The following SDK1 variants were observed in gnomAD, a reference collection of about 807,000 sequenced individuals.
SDK1 encodes protein sidekick-1.
Under a neutral mutation model 245.5 loss-of-function variants are expected in SDK1, and 157 were observed. The observed-to-expected ratio is 0.64, with a 90% CI of 0.56 to 0.73. The LOEUF (loss-of-function observed/expected upper bound fraction) is 0.73, where lower values mean the gene tolerates loss of function less well. Ranked by LOEUF, SDK1 falls within the 30% of genes least tolerant of loss-of-function variation. SDK1 has a pLI of 0.00. For missense variants in SDK1, 3,583 were observed against 3,002.3 expected (o/e 1.19, Z -4.52); for synonymous variants, 1,647 against 1,278.5 (o/e 1.29, Z -6.15).
rs376838741 is a variant in SDK1 at position 4,140,938 on chromosome 7, T to C, written c.4229-4784T>C. On this transcript the variant is annotated intron_variant, in intron 28 of 44. Transcript: ENST00000404826. The stretch of plus-strand genomic sequence containing the variant: ...GCAACATAGTGAGACCCCATCTCTA[T>C]TTTAAATTTTTAAAAAAATGATTAA... Among the ~76,000 whole-genome samples, 372 of 152,300 alleles carry C rather than the reference T, an allele frequency of 2.4e-3. 16 individuals carry two copies. In the South Asian group the frequency reaches 0.073, roughly 30 times the overall value.
chr7:4,027,822 G>A (rs1048033773), intron 17 of SDK1, among the ~76,000 whole-genome samples: 2 of 152,114 alleles, frequency 1.3e-5, no homozygotes, highest in Non-Finnish European at 2.9e-5. Context: ...CAGACTCTGT[G>A]GGCTTTAACT....
chr7:3,349,260 T>C (rs137902375), intron 1 of SDK1, among the ~76,000 whole-genome samples: 3 of 152,252 alleles, frequency 2.0e-5, no homozygotes, highest in South Asian at 2.1e-4. Context: ...CCTTTGACTT[T>C]ATGAGGGCTG....
At chr7:4,217,622 CGG>C (rs1784911686) in intron 38 of SDK1, among the ~76,000 whole-genome samples, 2 of 151,154 alleles carry the variant, frequency 1.3e-5, no homozygotes, top group Non-Finnish European at 2.9e-5. Context: ...CCACACCACC[CGG>C]AGCACCAGGC....
intron 35 of SDK1, among the ~76,000 whole-genome samples, chr7:4,203,315 G>A (rs926547767): frequency 6.6e-6 from 1 of 152,158 alleles, no homozygotes; most frequent in Non-Finnish European, 1.5e-5. Flanking sequence ...CTCCCAGGCC[G>A]CAGAGGCCCC....
At position 4,129,938 on chromosome 7, in the gene SDK1, G is replaced by A. The variant is rs772118954; in HGVS notation, c.3970G>A (p.Glu1324Lys). 4 of 1,613,698 alleles carry A rather than the reference G, an allele frequency of 2.5e-6. No homozygotes were observed. In the East Asian group the frequency reaches 6.7e-5, roughly 27 times the overall value. Residue 1324 changes from glutamate to lysine, a missense_variant, in exon 27 of 45, where the codon GAG becomes AAG. Glu to Lys is a moderately conservative substitution (Grantham distance 56). Transcript: ENST00000404826. ...GTTCCGGGCCAAAGACCTGGATCCC[G>A]AGCCCAGGAGCCACATCGTGCGAGG... Reference protein sequence around the residue: ...ILFRAKDLDPEPRSHIVRGNH... With the variant: ...ILFRAKDLDPKPRSHIVRGNH...
At chr7:3,314,925 T>G (rs1237116070) in intron 1 of SDK1, among the ~76,000 whole-genome samples, 6 of 152,120 alleles carry the variant, frequency 3.9e-5, no homozygotes, top group African/African-American at 1.4e-4. Flanking sequence ...TAAACCTCAT[T>G]TGGCCTGTGA....
intron 1 of SDK1, among the ~76,000 whole-genome samples, chr7:3,609,895 C>G (rs528144002): frequency 3.2e-4 from 49 of 151,150 alleles, no homozygotes; most frequent in African/African-American, 1.1e-3. Flanking sequence ...GAGATGGGGT[C>G]TTGCCGTGTT....
chr7:3,630,669 T>G (rs1182720472), intron 2 of SDK1, among the ~76,000 whole-genome samples: 1 of 152,014 alleles, frequency 6.6e-6, no homozygotes, highest in Non-Finnish European at 1.5e-5. Flanking sequence ...TACAAAAAAA[T>G]CTGAAGTAAG....
intron 28 of SDK1, among the ~76,000 whole-genome samples, chr7:4,136,683 G>A (rs12701426): frequency 0.35 from 52,918 of 152,158 alleles, 10,021 homozygotes; most frequent in Non-Finnish European, 0.43. Context: ...CTGGTATTAC[G>A]CTAACGTGAT....
intron 7 of SDK1, among the ~76,000 whole-genome samples, chr7:3,957,820 C>T (rs574576808): frequency 1.3e-5 from 2 of 152,198 alleles, no homozygotes; most frequent in African/African-American, 4.8e-5. Context: ...TTGGTCTGTA[C>T]ACATGAAAAC....
Position 3,898,369 on chromosome 7 carries a change from T to C in SDK1, c.848-52554T>C, listed in dbSNP as rs373296625. ...GGGACAAGCCTGCTGTCCGGTACAA[T>C]GTCACATCATGATGCCATTCAGACC... On this transcript the variant is annotated intron_variant, in intron 5 of 44. Transcript: ENST00000404826. Among the ~76,000 whole-genome samples, 17 of 152,286 alleles carry C rather than the reference T, an allele frequency of 1.1e-4. No homozygotes were observed. The East Asian group carries it at 3.1e-3, about 28-fold the overall frequency.
intron 1 of SDK1, among the ~76,000 whole-genome samples, chr7:3,339,811 C>T (rs1252011594): frequency 6.6e-6 from 1 of 151,958 alleles, no homozygotes; most frequent in Non-Finnish European, 1.5e-5. Flanking sequence ...GCTCCTACCT[C>T]AAGAAACTAG....
At chr7:3,386,172 T>G (rs1227857741) in intron 1 of SDK1, among the ~76,000 whole-genome samples, 1 of 152,204 alleles carries the variant, frequency 6.6e-6, no homozygotes, top group African/African-American at 2.4e-5. Flanking sequence ...AGACTTGTTT[T>G]ATGTATTAGC....
rs192880447 is a variant in SDK1 at position 3,421,810 on chromosome 7, A to C, written c.298+119926A>C. Among the ~76,000 whole-genome samples, 8 of 152,208 alleles carry C rather than the reference A, an allele frequency of 5.3e-5. No individual in the cohort carries two copies. In the East Asian group the frequency reaches 1.5e-3, roughly 29 times the overall value. ...TGTAGGTTTATGAGAACCTGCTCTT[A>C]ACCTTAAATAACAGAGCTGCTGCCA... On this transcript the variant is annotated intron_variant, in intron 1 of 44. Coordinates refer to ENST00000404826, the MANE Select transcript of SDK1 (RefSeq NM_152744.4).
At chr7:3,827,004 C>T (rs1779791511) in intron 5 of SDK1, among the ~76,000 whole-genome samples, 1 of 152,196 alleles carries the variant, frequency 6.6e-6, no homozygotes, top group Admixed American at 6.5e-5. Context: ...ATTGCCCACT[C>T]ATGCCTCCTT....
intron 4 of SDK1, among the ~76,000 whole-genome samples, chr7:3,644,474 G>T (rs916025299): frequency 6.6e-6 from 1 of 151,744 alleles, no homozygotes; most frequent in East Asian, 1.9e-4. Context: ...CTTTAAAAAG[G>T]CAGGTAAGGG....
intron 2 of SDK1, among the ~76,000 whole-genome samples, chr7:3,620,922 A>G (rs1041440506): frequency 6.6e-6 from 1 of 152,168 alleles, no homozygotes; most frequent in Non-Finnish European, 1.5e-5. Flanking sequence ...AAAGTTTATC[A>G]TAGTAGATCA....
intron 5 of SDK1, among the ~76,000 whole-genome samples, chr7:3,827,606 A>G (rs918321986): frequency 3.9e-5 from 6 of 152,228 alleles, no homozygotes; most frequent in African/African-American, 1.4e-4. Context: ...CTGACACTTC[A>G]TTACAAATAA....
chr7:3,356,555 G>T (rs974546710), intron 1 of SDK1, among the ~76,000 whole-genome samples: 3 of 152,234 alleles, frequency 2.0e-5, no homozygotes, highest in Admixed American at 6.5e-5. Context: ...TCTTTCCAAT[G>T]TTTATTTTCT....
Sources: gnomAD v4.1 joint callset for allele counts (sites outside exome capture counted in the v4.1 genomes callset) on GRCh38, gnomAD v4.1.1 for gene constraint, MANE v1.5 for transcripts, NCBI Gene and HGNC (gene_info 2026-07-23, HGNC 2026-07-21) for gene names.